SYNPO2: variants seen among roughly 807,000 people sequenced by gnomAD.
The protein encoded by SYNPO2 is synaptopodin 2, also known as synaptopodin-2.
In SYNPO2, 56 loss-of-function variants were observed where a neutral mutation model predicts 85.0. The ratio of observed to expected loss-of-function variants is 0.66; its 90% CI spans 0.53 to 0.82. SYNPO2 has a LOEUF of 0.82. Ranked by LOEUF, SYNPO2 falls within the 40% of genes least tolerant of loss-of-function variation. The pLI is 0.00. For synonymous variants in SYNPO2, 602 were observed against 591.1 expected, an observed-to-expected ratio of 1.02 and a Z score of -0.27; for missense variants, 1,575 against 1,534.2, an observed-to-expected ratio of 1.03 and a Z score of -0.44.
At chr4:118,971,467 G>A (rs952895549) in intron 1 of SYNPO2, among the ~76,000 whole-genome samples, 12 of 152,210 alleles carry the variant, frequency 7.9e-5, no homozygotes, top group African/African-American at 2.9e-4. Flanking sequence ...CAATGAAGAT[G>A]CACTGGACAA....
rs2149112600 is a variant in SYNPO2, at chr4:118,889,000, C to T, written c.-37C>T. On this transcript the variant is annotated 5_prime_UTR_variant, in exon 1 of 5. Coordinates refer to ENST00000307142, the MANE Select transcript of SYNPO2 (RefSeq NM_133477.3). ...TACCGCACCCAAGCTTCGTCTGTCT[C>T]GTCAAGCTCTTCATGCTGCCCAACT... is the stretch of plus-strand genomic sequence containing the variant. 1 of 1,604,820 alleles carries T rather than the reference C, an allele frequency of 6.2e-7. No homozygotes were observed. Among genetic ancestry groups the T allele is most frequent in the Non-Finnish European group, 8.5e-7 (1 of 1,172,106 alleles).
At chr4:118,993,609 G>A (rs1736485077) in intron 1 of SYNPO2, among the ~76,000 whole-genome samples, 1 of 152,056 alleles carries the variant, frequency 6.6e-6, no homozygotes, top group African/African-American at 2.4e-5. Context: ...AAGTCTCTTG[G>A]CCTACAAGTT....
chr4:119,018,653 G>T (rs759490181), intron 1 of SYNPO2, among the ~76,000 whole-genome samples: 3 of 152,114 alleles, frequency 2.0e-5, no homozygotes, highest in Non-Finnish European at 2.9e-5. Flanking sequence ...GGTTACCAGA[G>T]ACTGGGAAGG....
At chr4:119,045,212 A>G (rs1738837646) in intron 4 of SYNPO2, among the ~76,000 whole-genome samples, 1 of 152,240 alleles carries the variant, frequency 6.6e-6, no homozygotes, top group South Asian at 2.1e-4. Context: ...ACAATACAAA[A>G]CATGTTAGTT....
intron 1 of SYNPO2, among the ~76,000 whole-genome samples, chr4:118,950,858 G>T (rs1010661546): frequency 3.3e-5 from 5 of 152,194 alleles, no homozygotes; most frequent in Admixed American, 2.6e-4. Context: ...CCATAAACTC[G>T]ATTGGTTGTG....
At chr4:118,969,378 G>C (rs1203003307) in intron 1 of SYNPO2, among the ~76,000 whole-genome samples, 2 of 151,100 alleles carry the variant, frequency 1.3e-5, no homozygotes, top group Non-Finnish European at 2.9e-5. Context: ...TACATGCATG[G>C]TGTTCGTTTA....
chr4:118,942,119 G>C (rs1258640862), intron 1 of SYNPO2, among the ~76,000 whole-genome samples: 2 of 152,144 alleles, frequency 1.3e-5, no homozygotes, highest in Non-Finnish European at 2.9e-5. Flanking sequence ...ATCATATTAG[G>C]AATTAACTAG....
chr4:118,878,689 G>C lies in SYNPO2; in HGVS notation c.12+27749G>C, dbSNP rs145176560. On this transcript the variant is annotated intron_variant, in intron 1 of 4. Transcript: ENST00000610556. Reference sequence around the variant, plus strand: ...GTAAAAACGCACCAATCAGTGCTCTGTGTCTAGCTAAAGGTATGTAAACAC... The same window carrying C: ...GTAAAAACGCACCAATCAGTGCTCTCTGTCTAGCTAAAGGTATGTAAACAC... 6.3e-3 allele frequency among the ~76,000 whole-genome samples: 964 copies of C among 152,274 alleles called. 13 individuals are homozygous for C. Among genetic ancestry groups the C allele is most frequent in the African/African-American group, 0.021 (884 of 41,538 alleles).
At chr4:118,954,574 A>G (rs148094432) in intron 1 of SYNPO2, among the ~76,000 whole-genome samples, 4 of 152,352 alleles carry the variant, frequency 2.6e-5, no homozygotes, top group Non-Finnish European at 5.9e-5. Context: ...ATTCAGGCAT[A>G]AAACTGAGCC....
At chr4:118,879,449 A>G (rs374620673) in intron 1 of SYNPO2, among the ~76,000 whole-genome samples, 1 of 152,126 alleles carries the variant, frequency 6.6e-6, no homozygotes, top group African/African-American at 2.4e-5. Flanking sequence ...GCCCTTGTGA[A>G]TGGATTAGTG....
At chr4:119,052,207 T>C (rs973239285) in intron 4 of SYNPO2, among the ~76,000 whole-genome samples, 5 of 152,170 alleles carry the variant, frequency 3.3e-5, no homozygotes, top group Non-Finnish European at 7.3e-5. Context: ...AGGCAAATGA[T>C]GTGAGTGTTC....
intron 1 of SYNPO2, among the ~76,000 whole-genome samples, chr4:118,876,397 G>A (rs567785382): frequency 6.6e-5 from 10 of 152,070 alleles, no homozygotes; most frequent in Admixed American, 2.0e-4. Flanking sequence ...CTCCCATCGC[G>A]CTCTGCCATA....
At chr4:119,023,062 C>A (rs1266815911) in intron 1 of SYNPO2, among the ~76,000 whole-genome samples, 1 of 152,216 alleles carries the variant, frequency 6.6e-6, no homozygotes, top group African/African-American at 2.4e-5. Context: ...AGGCATAAGC[C>A]ACCACGCCTG....
chr4:118,878,839 C>T (rs1264306427), intron 1 of SYNPO2, among the ~76,000 whole-genome samples: 1 of 152,208 alleles, frequency 6.6e-6, no homozygotes, highest in African/African-American at 2.4e-5. Flanking sequence ...AAGCTGGCCA[C>T]CCCAGCCAGC....
chr4:119,032,792 G>A (rs541881885), intron 4 of SYNPO2: 1 of 864,710 alleles, frequency 1.2e-6, no homozygotes, highest in South Asian at 5.3e-5. Context: ...GGCTGAGGTA[G>A]GAGGACTGCT....
chr4:118,967,412 A>T (rs1203523846), intron 1 of SYNPO2, among the ~76,000 whole-genome samples: 2 of 152,228 alleles, frequency 1.3e-5, no homozygotes, highest in East Asian at 3.8e-4. Flanking sequence ...GGTTATGCTT[A>T]AGAGCCAGCG....
chr4:118,970,107 G>T (rs188067443), intron 1 of SYNPO2, among the ~76,000 whole-genome samples: 2 of 152,232 alleles, frequency 1.3e-5, no homozygotes, highest in Admixed American at 1.3e-4. Context: ...AAATGTACTT[G>T]TAATTTGTAC....
chr4:118,903,384 T>G (rs1732822876), intron 1 of SYNPO2, among the ~76,000 whole-genome samples: 1 of 152,178 alleles, frequency 6.6e-6, no homozygotes, highest in Admixed American at 6.5e-5. Context: ...GTCGTTAGTA[T>G]TGTTATTCTA....
chr4:119,031,430 G>T lies in SYNPO2; in HGVS notation c.2655G>T (p.Lys885Asn), dbSNP rs1436994729. 6.2e-7 allele frequency: 1 copy of T among 1,614,190 alleles called. No homozygotes were observed. Among genetic ancestry groups the T allele is most frequent in the Admixed American group, 1.7e-5 (1 of 60,030 alleles). ...LFAKRQSRME[K>N]YVVDSDTVQA... ...CTAAAAGGCAGTCGAGAATGGAGAA[G>T]TATGTGGTCGATTCAGACACGGTGC... Residue 885 changes from lysine to asparagine, a missense_variant, in exon 4 of 5, where the codon AAG becomes AAT. Lys to Asn is a moderately conservative substitution (Grantham distance 94). Transcript: ENST00000307142.
Sources: gnomAD v4.1 joint callset for allele counts (sites outside exome capture counted in the v4.1 genomes callset) on GRCh38, gnomAD v4.1.1 for gene constraint, MANE v1.5 for transcripts, NCBI Gene and HGNC (gene_info 2026-07-23, HGNC 2026-07-21) for gene names.